Variants in PSMA8 observed in about 807,000 individuals in gnomAD.
PSMA8 encodes the protein proteasome 20S subunit alpha 8, also known as proteasome subunit alpha-type 8.
A neutral mutation model predicts 32.4 loss-of-function variants in PSMA8; 18 were observed. The observed-to-expected ratio is 0.56, with a 90% CI of 0.38 to 0.82. The LOEUF is 0.82. Among genes scored for constraint, PSMA8 ranks in the 40% least tolerant of loss-of-function variants. The pLI, the probability that PSMA8 is intolerant of heterozygous loss-of-function variation, is 0.00. For missense variants in PSMA8, 298 were observed against 300.7 expected, an observed-to-expected ratio of 0.99 and a Z score of 0.07; for synonymous variants, 104 against 98.1, an observed-to-expected ratio of 1.06 and a Z score of -0.36.
chr18:26,133,878 C>T lies in PSMA8; in HGVS notation c.-88C>T. The stretch of plus-strand genomic sequence containing the variant: ...AGGCGCGTGTGGAAGCGCTTCCGGG[C>T]GGTAGCACGCTGTGTTGGCGGCGGC... On this transcript the variant is annotated 5_prime_UTR_variant, in exon 1 of 7. Coordinates refer to ENST00000415576, the MANE Select transcript of PSMA8 (RefSeq NM_001025096.2). 1 of 1,152,380 alleles carries T rather than the reference C, an allele frequency of 8.7e-7. No homozygotes were observed. The highest frequency in any genetic ancestry group is 1.3e-6 in the Non-Finnish European group (1 of 775,590). 71.4% of individuals were successfully genotyped at this position (1,152,380 alleles called of 1,614,324 possible).
Position 26,178,942 on chromosome 18 carries a change from T to C in PSMA8, c.590T>C (p.Leu197Ser). 1 of 1,612,808 alleles carries C rather than the reference T, an allele frequency of 6.2e-7. No homozygotes were observed. The highest frequency in any genetic ancestry group is 1.1e-5 in the South Asian group (1 of 90,590). Reference protein sequence around the residue: ...SEAIKLAIKALLEVVQSGGKN... With the variant: ...SEAIKLAIKASLEVVQSGGKN... Reference sequence around the variant, plus strand: ...GCTATCAAGTTAGCAATAAAAGCTTTGCTAGAAGTAAGTGATCTAATAAAG... The same window carrying C: ...GCTATCAAGTTAGCAATAAAAGCTTCGCTAGAAGTAAGTGATCTAATAAAG... The change falls in exon 5 of 7, where the codon TTG (leucine) becomes TCG (serine). Residue 197 changes from leucine to serine, a missense_variant. Leu to Ser is a moderately radical substitution (Grantham distance 145). Coordinates refer to ENST00000415576, the MANE Select transcript of PSMA8 (RefSeq NM_001025096.2).
intron 6 of PSMA8, among the ~76,000 whole-genome samples, chr18:26,190,129 G>A (rs2055389530): frequency 6.6e-6 from 1 of 152,172 alleles, no homozygotes; most frequent in Non-Finnish European, 1.5e-5. Context: ...GTAGAAGGAT[G>A]GTTACTAGAG....
Position 26,192,810 on chromosome 18 carries a change from T to A in PSMA8, c.*399T>A, listed in dbSNP as rs2055414910. On this transcript the variant is annotated 3_prime_UTR_variant, in exon 7 of 7. Transcript: ENST00000415576. ...ATAGCTATTCCAAATAAACTAAATATAATATTGAGCTGCATTTCTCAAAGA... is the reference window on the plus strand; with the variant it reads ...ATAGCTATTCCAAATAAACTAAATAAAATATTGAGCTGCATTTCTCAAAGA... The A allele has an allele frequency of 6.6e-6, 1 of 152,354 alleles. No homozygotes were observed. Among genetic ancestry groups the A allele is most frequent in the African/African-American group, 2.4e-5 (1 of 41,468 alleles). The allele number at this position is 152,354 out of a possible 1,614,324, so 9.4% of individuals were successfully genotyped here.
chr18:26,188,598 C>T (rs2055375913), intron 6 of PSMA8, among the ~76,000 whole-genome samples: 2 of 152,142 alleles, frequency 1.3e-5, no homozygotes, highest in African/African-American at 2.4e-5. Context: ...AATTATGCTA[C>T]AGAGCTATGG....
chr18:26,155,978 C>T (rs1237490424), intron 3 of PSMA8, among the ~76,000 whole-genome samples: 14 of 152,038 alleles, frequency 9.2e-5, no homozygotes, highest in Non-Finnish European at 1.9e-4. Context: ...AATAATCTTC[C>T]TAAAAAATGG....
chr18:26,188,808 C>G (rs2055377783), intron 6 of PSMA8, among the ~76,000 whole-genome samples: 1 of 152,020 alleles, frequency 6.6e-6, no homozygotes, highest in South Asian at 2.1e-4. Flanking sequence ...GAAACTAAAC[C>G]CCTATCTCTC....
chr18:26,156,827 C>T (rs1333738283), intron 3 of PSMA8, among the ~76,000 whole-genome samples: 1 of 151,088 alleles, frequency 6.6e-6, no homozygotes, highest in Non-Finnish European at 1.5e-5. Flanking sequence ...CACTCTGTCA[C>T]CCAGGCTGGA....
At chr18:26,160,539 T>A (rs1487478495) in intron 4 of PSMA8, among the ~76,000 whole-genome samples, 14 of 152,262 alleles carry the variant, frequency 9.2e-5, no homozygotes, top group Non-Finnish European at 7.3e-5. Context: ...ATCAAGTTTT[T>A]CTTTTTTTGT....
chr18:26,184,722 C>T (rs1449366009), intron 6 of PSMA8, among the ~76,000 whole-genome samples: 1 of 142,148 alleles, frequency 7.0e-6, no homozygotes, highest in African/African-American at 2.7e-5. Flanking sequence ...TGCGATGTGT[C>T]GAGATAGCGC....
chr18:26,154,886 A>G (rs1311572496), intron 3 of PSMA8, among the ~76,000 whole-genome samples: 1 of 150,508 alleles, frequency 6.6e-6, no homozygotes, highest in Non-Finnish European at 1.5e-5. Flanking sequence ...AAGTGCTGGG[A>G]TTACAGGCGT....
At chr18:26,134,103 C>A in intron 1 of PSMA8, 36 bp downstream of exon 1, 1 of 1,511,518 alleles carries the variant, frequency 6.6e-7, no homozygotes, top group South Asian at 1.1e-5. Flanking sequence ...ATTCCCCGCT[C>A]TGACCTGTCA....
intron 1 of PSMA8, among the ~76,000 whole-genome samples, chr18:26,134,408 T>C (rs1179626294): frequency 2.7e-5 from 4 of 150,908 alleles, no homozygotes; most frequent in Admixed American, 6.6e-5. Flanking sequence ...AATGATGTGA[T>C]TGACAATAGG....
At chr18:26,144,189 A>T (rs2054982605) in intron 1 of PSMA8, among the ~76,000 whole-genome samples, 1 of 152,194 alleles carries the variant, frequency 6.6e-6, no homozygotes, top group Non-Finnish European at 1.5e-5. Flanking sequence ...TTGGGGTGTG[A>T]TAAAATTGGT....
chr18:26,156,734 T>A (rs1196622596), intron 3 of PSMA8, among the ~76,000 whole-genome samples: 1 of 148,902 alleles, frequency 6.7e-6, no homozygotes, highest in Non-Finnish European at 1.5e-5. Flanking sequence ...ACAGTGTGTG[T>A]GCATATATTG....
intron 3 of PSMA8, among the ~76,000 whole-genome samples, chr18:26,156,960 A>T (rs28510462): frequency 6.6e-6 from 1 of 150,612 alleles, no homozygotes; most frequent in East Asian, 1.9e-4. Context: ...CTAATTTTTT[A>T]TTTTTGTAGA....
intron 3 of PSMA8, among the ~76,000 whole-genome samples, chr18:26,154,100 C>T (rs766901143): frequency 2.6e-5 from 4 of 152,078 alleles, no homozygotes; most frequent in Non-Finnish European, 5.9e-5. Flanking sequence ...TGATGTTTCA[C>T]CATGTTGGCC....
rs2054886299 is a variant in PSMA8 at position 26,133,898 on chromosome 18, G to C, written c.-68G>C. The C allele has an allele frequency of 7.3e-7, 1 of 1,371,754 alleles. No individual in the cohort carries two copies. Among genetic ancestry groups the C allele is most frequent in the Non-Finnish European group, 1.0e-6 (1 of 965,252 alleles). The allele number at this position is 1,371,754 out of a possible 1,614,324, so 85.0% of individuals were successfully genotyped here. On this transcript the variant is annotated 5_prime_UTR_variant, in exon 1 of 7. Coordinates refer to ENST00000415576, the MANE Select transcript of PSMA8 (RefSeq NM_001025096.2). Reference sequence around the variant, plus strand: ...CCGGGCGGTAGCACGCTGTGTTGGCGGCGGCTCCCCGCTTGCCTCAGCTGC... The same window carrying C: ...CCGGGCGGTAGCACGCTGTGTTGGCCGCGGCTCCCCGCTTGCCTCAGCTGC...
At chr18:26,168,440 G>A (rs1166754406) in intron 4 of PSMA8, among the ~76,000 whole-genome samples, 1 of 104,822 alleles carries the variant, frequency 9.5e-6, no homozygotes, top group Non-Finnish European at 1.7e-5. Context: ...TTCCTATCCT[G>A]TACTTCTTTC....
intron 1 of PSMA8, among the ~76,000 whole-genome samples, chr18:26,142,706 A>G (rs774941463): frequency 4.6e-5 from 7 of 152,198 alleles, no homozygotes; most frequent in Non-Finnish European, 8.8e-5. Flanking sequence ...AGGCCTATTC[A>G]GTGTCTGGAG....
Sources: allele counts gnomAD v4.1 joint callset (sites outside exome capture counted in the v4.1 genomes callset), GRCh38; gene constraint gnomAD v4.1.1; transcripts MANE v1.5; gene names NCBI Gene and HGNC (gene_info 2026-07-23, HGNC 2026-07-21).